TASP1: variants seen among roughly 807,000 people sequenced by gnomAD.
TASP1 encodes threonine aspartase 1.
TASP1 carries 16 observed loss-of-function variants against 56.6 expected under a neutral mutation model. The observed-to-expected ratio is 0.28, with a 90% confidence interval of 0.19 to 0.43. TASP1 has a LOEUF of 0.43. Ranked by LOEUF, TASP1 falls within the 20% of genes least tolerant of loss-of-function variation. The pLI is 1.00. For synonymous variants in TASP1, 179 were observed against 184.2 expected, an observed-to-expected ratio of 0.97 and a Z score of 0.23; for missense variants, 393 against 511.6, an observed-to-expected ratio of 0.77 and a Z score of 2.24.
At chr20:13,116,754 C>T in the TASP1 span, among the ~76,000 whole-genome samples, 2 of 152,264 alleles carry the variant, frequency 1.3e-5, no homozygotes, top group South Asian at 2.1e-4. Context: ...ATATGTGGTC[C>T]GCAACCATTG....
At chr20:13,415,449 T>C (rs2042224256) in intron 13 of TASP1, among the ~76,000 whole-genome samples, 1 of 150,712 alleles carries the variant, frequency 6.6e-6, no homozygotes, top group African/African-American at 2.4e-5. Flanking sequence ...GTTTTCTTTT[T>C]TTTTTTTTTT....
At chr20:13,418,159 G>A (rs553610694) in intron 12 of TASP1, among the ~76,000 whole-genome samples, 319 of 152,182 alleles carry the variant, frequency 2.1e-3, no homozygotes, top group Non-Finnish European at 3.5e-3. Context: ...TGATCCACCC[G>A]CCTTGGCCTC....
At chr20:13,529,846 A>G (rs931142624) in intron 9 of TASP1, among the ~76,000 whole-genome samples, 13 of 152,156 alleles carry the variant, frequency 8.5e-5, no homozygotes, top group African/African-American at 2.7e-4. Context: ...ATTCGCTCCA[A>G]TATTCTACCC....
the TASP1 span, among the ~76,000 whole-genome samples, chr20:13,121,011 TG>T: frequency 6.6e-6 from 1 of 152,248 alleles, no homozygotes; most frequent in Non-Finnish European, 1.5e-5. Context: ...GTGCCATGAA[TG>T]GCTTCTTTGA....
chr20:13,404,567 C>T (rs1019750059), intron 13 of TASP1, among the ~76,000 whole-genome samples: 7 of 152,156 alleles, frequency 4.6e-5, no homozygotes, highest in African/African-American at 1.7e-4. Context: ...GATTGTGCCA[C>T]TGCACTCCAA....
At chr20:13,178,860 T>C in the TASP1 span, among the ~76,000 whole-genome samples, 1 of 152,112 alleles carries the variant, frequency 6.6e-6, no homozygotes, top group Non-Finnish European at 1.5e-5. Context: ...TAGTGTTCTA[T>C]ACCACTGTAG....
chr20:13,366,771 G>C, the TASP1 span, among the ~76,000 whole-genome samples: 3,380 of 152,280 alleles, frequency 0.022, 52 homozygotes, highest in South Asian at 0.038. Context: ...ATGGGATCCA[G>C]AGAACATTCT....
intron 8 of TASP1, among the ~76,000 whole-genome samples, chr20:13,539,755 G>C (rs1411179346): frequency 6.6e-6 from 1 of 152,152 alleles, no homozygotes; most frequent in Non-Finnish European, 1.5e-5. Flanking sequence ...CTCAAAGATA[G>C]CAAAGGACGA....
At position 13,491,484 on chromosome 20, in the gene TASP1, G is replaced by C. The variant is rs1262336031; in HGVS notation, c.875-8147C>G. On this transcript the variant is annotated intron_variant, in intron 10 of 13. Transcript: ENST00000337743. ...GTATCTTGAGTACACGAGTTGATCA[G>C]AGTGAACATGAACAGATGCCATGGG... Among the ~76,000 whole-genome samples the C allele has an allele frequency of 2.0e-5, 3 of 152,160 alleles. No individual in the cohort carries two copies. The East Asian group carries it at 5.8e-4, about 29-fold the overall frequency.
intron 11 of TASP1, among the ~76,000 whole-genome samples, chr20:13,455,926 T>C (rs144318506): frequency 1.3e-5 from 2 of 152,134 alleles, no homozygotes; most frequent in Non-Finnish European, 2.9e-5. Context: ...AAATTTAAGT[T>C]GAACAAACTC....
At chr20:13,363,340 A>G in the TASP1 span, among the ~76,000 whole-genome samples, 57,759 of 151,978 alleles carry the variant, frequency 0.38, 15,362 homozygotes, top group African/African-American at 0.76. Context: ...GGGGTTCAGA[A>G]AGCTTCCAGT....
chr20:13,592,805 T>C (rs2047582695), intron 4 of TASP1, among the ~76,000 whole-genome samples: 1 of 152,226 alleles, frequency 6.6e-6, no homozygotes, highest in Admixed American at 6.5e-5. Context: ...GTTAAGTAAC[T>C]GATTTGAGAT....
At chr20:13,516,566 A>T (rs968060394) in intron 10 of TASP1, among the ~76,000 whole-genome samples, 1 of 152,052 alleles carries the variant, frequency 6.6e-6, no homozygotes, top group Non-Finnish European at 1.5e-5. Flanking sequence ...GGGAAGGAAA[A>T]GGCATTCTTT....
chr20:13,515,827 A>G (rs1215151172), intron 10 of TASP1, among the ~76,000 whole-genome samples: 1 of 152,130 alleles, frequency 6.6e-6, no homozygotes, highest in Non-Finnish European at 1.5e-5. Context: ...ACCATGGACA[A>G]CTTTCATAGC....
the TASP1 span, chr20:13,288,475 C>T: frequency 2.0e-6 from 3 of 1,537,382 alleles, no homozygotes; most frequent in Non-Finnish European, 2.7e-6. Context: ...TGACAGGCTG[C>T]TTGATGGGGA....
intron 10 of TASP1, among the ~76,000 whole-genome samples, chr20:13,521,195 C>A (rs1353812238): frequency 6.6e-6 from 1 of 152,112 alleles, no homozygotes; most frequent in Non-Finnish European, 1.5e-5. Context: ...ACTAGTTCAA[C>A]CATTGTGGAA....
At chr20:13,556,232 T>G (rs1357307191) in intron 8 of TASP1, among the ~76,000 whole-genome samples, 1 of 152,202 alleles carries the variant, frequency 6.6e-6, no homozygotes, top group African/African-American at 2.4e-5. Context: ...CAATAACTAT[T>G]GGCATCAATA....
chr20:13,298,941 G>A, the TASP1 span: 1 of 1,612,576 alleles, frequency 6.2e-7, no homozygotes, highest in Non-Finnish European at 8.5e-7. Context: ...GCCTTTTCCA[G>A]ACACAGACAG....
the TASP1 span, among the ~76,000 whole-genome samples, chr20:13,343,529 C>T: frequency 0.038 from 5,697 of 148,452 alleles, 212 homozygotes; most frequent in Admixed American, 0.11. Context: ...CTGCAGGCTG[C>T]GGTTCCACCG....
Sources: gnomAD v4.1 joint callset for allele counts (sites outside exome capture counted in the v4.1 genomes callset) on GRCh38, gnomAD v4.1.1 for gene constraint, MANE v1.5 for transcripts, NCBI Gene and HGNC (gene_info 2026-07-23, HGNC 2026-07-21) for gene names.